The following DOCK4 variants were observed in gnomAD, a reference collection of about 807,000 sequenced individuals.
DOCK4 encodes dedicator of cytokinesis protein 4.
Under a neutral mutation model 268.1 loss-of-function variants are expected in DOCK4, and 97 were observed. The observed-to-expected ratio is 0.36, with a 90% CI of 0.31 to 0.43. DOCK4 has a LOEUF of 0.43. DOCK4 is among the 20% of genes least tolerant of loss of function. The pLI is 1.00. For missense variants in DOCK4, 2,145 were observed against 2,455.7 expected (o/e 0.87, Z 2.67); for synonymous variants, 954 against 887.2 (o/e 1.08, Z -1.34).
chr7:111,733,191 T>A (rs1795226341), intron 51 of DOCK4, among the ~76,000 whole-genome samples: 1 of 152,202 alleles, frequency 6.6e-6, no homozygotes, highest in African/African-American at 2.4e-5. Context: ...AACTCACAAC[T>A]ACTGAAAGGC....
intron 1 of DOCK4, among the ~76,000 whole-genome samples, chr7:112,129,673 C>T (rs1813614352): frequency 6.6e-6 from 1 of 152,190 alleles, no homozygotes; most frequent in Non-Finnish European, 1.5e-5. Flanking sequence ...TGGAAGTAGA[C>T]TCTTGTGAGT....
At chr7:111,948,012 G>C (rs1795756397) in intron 8 of DOCK4, among the ~76,000 whole-genome samples, 1 of 152,142 alleles carries the variant, frequency 6.6e-6, no homozygotes, top group South Asian at 2.1e-4. Context: ...ACAGGCGTGG[G>C]CTACCAGGCC....
intron 1 of DOCK4, among the ~76,000 whole-genome samples, chr7:112,053,153 G>A (rs1030303107): frequency 6.6e-6 from 1 of 152,150 alleles, no homozygotes; most frequent in Non-Finnish European, 1.5e-5. Context: ...CATCATTCAG[G>A]AAAGGCAATG....
intron 39 of DOCK4, among the ~76,000 whole-genome samples, chr7:111,761,831 T>C (rs958682168): frequency 9.2e-5 from 14 of 152,140 alleles, no homozygotes; most frequent in Non-Finnish European, 1.0e-4. Context: ...TACCTATAAT[T>C]GTGGACCCCA....
intron 1 of DOCK4, among the ~76,000 whole-genome samples, chr7:112,090,205 G>A (rs962959583): frequency 6.6e-6 from 1 of 152,004 alleles, no homozygotes; most frequent in African/African-American, 2.4e-5. Context: ...AAATTATATG[G>A]TATCATTAGA....
At chr7:112,033,901 G>A (rs676709) in intron 1 of DOCK4, among the ~76,000 whole-genome samples, 11 of 152,186 alleles carry the variant, frequency 7.2e-5, no homozygotes, top group African/African-American at 2.4e-4. Context: ...TCAATCTGAA[G>A]CAATACCTAG....
intron 1 of DOCK4, among the ~76,000 whole-genome samples, chr7:112,195,525 TGG>T (rs1820341607): frequency 1.3e-5 from 2 of 152,076 alleles, no homozygotes; most frequent in South Asian, 4.1e-4. Flanking sequence ...CAACCAACTT[TGG>T]CTACCAGAGG....
intron 1 of DOCK4, among the ~76,000 whole-genome samples, chr7:112,133,573 T>C (rs1814016833): frequency 2.6e-5 from 4 of 151,948 alleles, no homozygotes; most frequent in Admixed American, 2.0e-4. Flanking sequence ...TCTCCTAAAA[T>C]AGCCGGGCAT....
At chr7:111,749,841 G>A (rs1796512207) in intron 42 of DOCK4, among the ~76,000 whole-genome samples, 2 of 152,288 alleles carry the variant, frequency 1.3e-5, no homozygotes, top group South Asian at 4.1e-4. Flanking sequence ...TGGAGAAGAT[G>A]CTGGGGAAAT....
At chr7:111,878,272 C>T (rs764614334) in intron 16 of DOCK4, among the ~76,000 whole-genome samples, 9 of 152,122 alleles carry the variant, frequency 5.9e-5, no homozygotes, top group Non-Finnish European at 1.0e-4. Context: ...CTGATGTGTC[C>T]GACTTTTTAA....
intron 1 of DOCK4, among the ~76,000 whole-genome samples, chr7:112,036,468 T>G (rs1803775696): frequency 1.3e-5 from 2 of 152,154 alleles, no homozygotes; most frequent in Admixed American, 1.3e-4. Context: ...AGCACAAGTG[T>G]GTTAATCTCT....
chr7:111,971,798 C>T (rs919590115), intron 8 of DOCK4: 32 of 299,558 alleles, frequency 1.1e-4, no homozygotes, highest in East Asian at 4.0e-4. Context: ...CAGCCACTTA[C>T]GGGGGATGGC....
Position 112,126,712 on chromosome 7 carries a change from G to C in DOCK4, c.37+79390C>G, listed in dbSNP as rs546866759. ...ACAATGAACTCAAACAAATTTACAA[G>C]AAAAAAACAAACAACCCCATCAAAA... On this transcript the variant is annotated intron_variant, in intron 1 of 52. Coordinates refer to ENST00000428084, the MANE Select transcript of DOCK4 (RefSeq NM_001363540.2). Among the ~76,000 whole-genome samples, 49 of 151,944 alleles carry C rather than the reference G, an allele frequency of 3.2e-4. No homozygotes were observed. The South Asian group carries it at 4.8e-3, about 15-fold the overall frequency.
intron 2 of DOCK4, among the ~76,000 whole-genome samples, chr7:112,003,519 A>G (rs146624033): frequency 6.6e-6 from 1 of 152,392 alleles, no homozygotes; most frequent in South Asian, 2.1e-4. Context: ...TGAGTTGCCT[A>G]CTACATAAAT....
chr7:111,998,209 G>A (rs1334452015), intron 4 of DOCK4, among the ~76,000 whole-genome samples: 2 of 152,164 alleles, frequency 1.3e-5, no homozygotes, highest in Non-Finnish European at 2.9e-5. Flanking sequence ...CTGATTCCCT[G>A]ATTTGTGGAC....
intron 1 of DOCK4, among the ~76,000 whole-genome samples, chr7:112,092,802 C>G (rs570695459): frequency 3.9e-5 from 6 of 152,218 alleles, no homozygotes; most frequent in African/African-American, 1.4e-4. Context: ...CACTGTCCTT[C>G]TTCCCTAAGA....
intron 14 of DOCK4, among the ~76,000 whole-genome samples, chr7:111,900,983 A>G (rs1425775870): frequency 3.3e-5 from 5 of 152,228 alleles, no homozygotes; most frequent in Admixed American, 1.3e-4. Context: ...TCTCACCCCA[A>G]TTAGTAAGTA....
chr7:112,203,801 A>G (rs1022898021), intron 1 of DOCK4, among the ~76,000 whole-genome samples: 2 of 149,698 alleles, frequency 1.3e-5, no homozygotes, highest in Admixed American at 6.8e-5. Context: ...AAGTCCACAC[A>G]TAAGTATCCT....
At chr7:111,960,972 T>C (rs1796835928) in intron 8 of DOCK4, among the ~76,000 whole-genome samples, 1 of 152,190 alleles carries the variant, frequency 6.6e-6, no homozygotes, top group African/African-American at 2.4e-5. Flanking sequence ...CTATTGTCAA[T>C]AGTGCTGCAG....
Sources: gnomAD v4.1 joint callset for allele counts (sites outside exome capture counted in the v4.1 genomes callset) on GRCh38, gnomAD v4.1.1 for gene constraint, MANE v1.5 for transcripts, NCBI Gene and HGNC (gene_info 2026-07-23, HGNC 2026-07-21) for gene names.